Variants in RAPGEF5 observed in about 807,000 individuals in gnomAD.
RAPGEF5 encodes the protein Rap guanine nucleotide exchange factor 5.
RAPGEF5 carries 65 observed loss-of-function variants against 125.2 expected under a neutral mutation model. The observed-to-expected ratio is 0.52, with a 90% CI of 0.43 to 0.64. The LOEUF (loss-of-function observed/expected upper bound fraction) is 0.64, where lower values mean the gene tolerates loss of function less well. Among genes scored for constraint, RAPGEF5 ranks in the 30% least tolerant of loss-of-function variants. RAPGEF5 has a pLI of 0.00. For missense variants in RAPGEF5, 958 were observed against 1,048.1 expected (o/e 0.91, Z 1.19); for synonymous variants, 391 against 385.9 (o/e 1.01, Z -0.16).
chr7:22,343,902 G>A (rs867421458), intron 1 of RAPGEF5, among the ~76,000 whole-genome samples: 6 of 151,300 alleles, frequency 4.0e-5, no homozygotes, highest in South Asian at 2.1e-4. Context: ...GGGTGTCTGC[G>A]GAAAAAAAAA....
intron 11 of RAPGEF5, among the ~76,000 whole-genome samples, chr7:22,179,103 G>C (rs1043952935): frequency 3.9e-5 from 6 of 152,108 alleles, no homozygotes; most frequent in African/African-American, 1.4e-4. Flanking sequence ...CTCCAGCCCA[G>C]TGGCAGAGAC....
At position 22,318,036 on chromosome 7, in the gene RAPGEF5, G is replaced by C; in HGVS notation, c.233C>G (p.Thr78Ser). Residue 78 changes from threonine to serine, a missense_variant and splice_region_variant, in exon 2 of 26, where the codon ACT (threonine) becomes AGT (serine). Thr to Ser is a moderately conservative substitution (Grantham distance 58). Coordinates refer to ENST00000665637, the MANE Select transcript of RAPGEF5 (RefSeq NM_012294.5). ...CGGATTAGATATTCTTCTTGATAGAGTCTATTTTAAACAAAGAAAAAAAAA... is the reference window on the plus strand; with the variant it reads ...CGGATTAGATATTCTTCTTGATAGACTCTATTTTAAACAAAGAAAAAAAAA... ...RRKRSAAGGR[T>S]LSRRISNPYL... 1 of 1,523,122 alleles carries C rather than the reference G, an allele frequency of 6.6e-7. No individual in the cohort carries two copies. The highest frequency in any genetic ancestry group is 8.8e-7 in the Non-Finnish European group (1 of 1,136,374). The allele number at this position is 1,523,122 out of a possible 1,614,324, so 94.4% of individuals were successfully genotyped here. A position where few individuals can be genotyped will look rare whatever the true frequency, so the allele number is the denominator to read the frequency against.
At chr7:22,298,165 ATTG>A (rs1347400197) in intron 5 of RAPGEF5, among the ~76,000 whole-genome samples, 1 of 142,144 alleles carries the variant, frequency 7.0e-6, no homozygotes, top group Non-Finnish European at 1.5e-5. Flanking sequence ...AATGAGTCAT[ATTG>A]TTCTGTTTTT....
intron 1 of RAPGEF5, among the ~76,000 whole-genome samples, chr7:22,333,154 C>T (rs544145509): frequency 2.0e-5 from 3 of 152,098 alleles, no homozygotes; most frequent in South Asian, 2.1e-4. Flanking sequence ...TAAACTGTCA[C>T]GAAAAAAACT....
rs566201439 is a variant in RAPGEF5, at chr7:22,310,986, A to G, written c.390-896T>C. ...TCTGAAGTGTTTTGTCATTTGCAGA[A>G]ATTTCATCAAATTTCACTCTCCCTT... On this transcript the variant is annotated intron_variant, in intron 3 of 25. Coordinates refer to ENST00000665637, the MANE Select transcript of RAPGEF5 (RefSeq NM_012294.5). 1.8e-3 allele frequency among the ~76,000 whole-genome samples: 280 copies of G among 152,282 alleles called. 3 individuals carry two copies. The South Asian group carries it at 0.027, about 15-fold the overall frequency.
intron 24 of RAPGEF5, among the ~76,000 whole-genome samples, chr7:22,128,864 T>C (rs1025117873): frequency 4.6e-5 from 7 of 152,238 alleles, no homozygotes; most frequent in Non-Finnish European, 1.0e-4. Context: ...TTTTATAAAA[T>C]ATAATTTCTC....
intron 24 of RAPGEF5, among the ~76,000 whole-genome samples, chr7:22,128,373 ACT>A (rs1177539400): frequency 1.3e-5 from 2 of 152,144 alleles, no homozygotes; most frequent in Non-Finnish European, 2.9e-5. Flanking sequence ...ATGGGGTCTG[ACT>A]CAGTGTACTG....
At chr7:22,129,357 T>C (rs571289731) in intron 24 of RAPGEF5, among the ~76,000 whole-genome samples, 7 of 152,170 alleles carry the variant, frequency 4.6e-5, no homozygotes, top group Non-Finnish European at 8.8e-5. Context: ...TTACTAGGCC[T>C]TTCCAGGGAA....
intron 7 of RAPGEF5, among the ~76,000 whole-genome samples, chr7:22,261,721 G>GT (rs1274796932): frequency 6.6e-6 from 1 of 152,174 alleles, no homozygotes; most frequent in Non-Finnish European, 1.5e-5. Context: ...AATGGAATCT[G>GT]TTCAATGGAA....
chr7:22,210,687 C>T (rs776293280), intron 9 of RAPGEF5, among the ~76,000 whole-genome samples: 43 of 152,160 alleles, frequency 2.8e-4, no homozygotes, highest in Non-Finnish European at 5.6e-4. Flanking sequence ...ATTCCTGGAA[C>T]CTGAACAAAG....
At chr7:22,278,884 C>A (rs1250634568) in intron 6 of RAPGEF5, among the ~76,000 whole-genome samples, 1 of 151,848 alleles carries the variant, frequency 6.6e-6, no homozygotes, top group Admixed American at 6.6e-5. Context: ...TGCATAGTGC[C>A]TTTTGTATCT....
At chr7:22,156,699 T>C in intron 16 of RAPGEF5, 111 bp downstream of exon 16, 1 of 1,544,210 alleles carries the variant, frequency 6.5e-7, no homozygotes, top group Non-Finnish European at 8.8e-7. Context: ...CGTGCTTATC[T>C]GAGGGGTGAC....
At chr7:22,201,544 G>GA (rs1418091256) in intron 9 of RAPGEF5, among the ~76,000 whole-genome samples, 1 of 152,140 alleles carries the variant, frequency 6.6e-6, no homozygotes, top group African/African-American at 2.4e-5. Context: ...ACAACTCAAA[G>GA]AAAAAATCTA....
intron 1 of RAPGEF5, among the ~76,000 whole-genome samples, chr7:22,342,482 C>G (rs1196942485): frequency 6.6e-6 from 1 of 152,190 alleles, no homozygotes; most frequent in Admixed American, 6.5e-5. Context: ...TGCAAATTTC[C>G]GTAGCTGGCT....
At chr7:22,218,907 G>C (rs1785708159) in intron 9 of RAPGEF5, among the ~76,000 whole-genome samples, 1 of 152,154 alleles carries the variant, frequency 6.6e-6, no homozygotes, top group Non-Finnish European at 1.5e-5. Context: ...TTAGAGAAGT[G>C]CTATGTTATT....
chr7:22,168,102 G>C lies in RAPGEF5; in HGVS notation c.1205-954C>G, dbSNP rs17709619. ...TATTAGAGTAATTAGCTTGTGTACT[G>C]TTGTTATGGACTGAATGCTTATGTC... is the stretch of plus-strand genomic sequence containing the variant. On this transcript the variant is annotated intron_variant, in intron 11 of 25. Transcript: ENST00000665637. 4.7e-3 allele frequency among the ~76,000 whole-genome samples: 709 copies of C among 151,982 alleles called. 8 individuals carry two copies. The highest frequency in any genetic ancestry group is 0.016 in the African/African-American group (656 of 41,446).
At chr7:22,247,362 T>C (rs770308086) in intron 7 of RAPGEF5, among the ~76,000 whole-genome samples, 6 of 152,182 alleles carry the variant, frequency 3.9e-5, no homozygotes, top group Non-Finnish European at 7.3e-5. Context: ...TCATCTTGAA[T>C]TGTAGCTCCC....
intron 11 of RAPGEF5, among the ~76,000 whole-genome samples, chr7:22,185,477 C>T (rs17150403): frequency 0.054 from 8,170 of 152,244 alleles, 328 homozygotes; most frequent in South Asian, 0.16. Flanking sequence ...TTTATAAAGC[C>T]TTCCAATGCT....
At chr7:22,132,730 C>T (rs3779065) in intron 23 of RAPGEF5, among the ~76,000 whole-genome samples, 63,195 of 152,034 alleles carry the variant, frequency 0.42, 15,227 homozygotes, top group East Asian at 0.58. Flanking sequence ...TGCCCCTCAC[C>T]CCTCTTCCTA....
Sources: allele counts gnomAD v4.1 joint callset (sites outside exome capture counted in the v4.1 genomes callset), GRCh38; gene constraint gnomAD v4.1.1; transcripts MANE v1.5; gene names NCBI Gene and HGNC (gene_info 2026-07-23, HGNC 2026-07-21).